Variants in BEND7 observed in about 807,000 individuals in gnomAD.
BEND7 encodes BEN domain-containing protein 7.
A neutral mutation model predicts 50.9 loss-of-function variants in BEND7; 28 were observed. That is an observed-to-expected ratio of 0.55 (90% CI 0.41 to 0.75). The LOEUF (loss-of-function observed/expected upper bound fraction) is 0.75. Ranked by LOEUF, BEND7 falls within the 30% of genes least tolerant of loss-of-function variation. BEND7 has a pLI of 0.00. For synonymous variants in BEND7, 170 were observed against 183.9 expected, an observed-to-expected ratio of 0.92 and a Z score of 0.61; for missense variants, 477 against 491.3, an observed-to-expected ratio of 0.97 and a Z score of 0.28.
Position 13,441,730 on chromosome 10 carries a change from T to A in BEND7, c.*13A>T. ...GTGCAAAAAACACAAGAGCTGTGGT[T>A]TGCAGTCCTTCATCAGACCACTTGA... On this transcript the variant is annotated 3_prime_UTR_variant, in exon 9 of 9. Coordinates refer to ENST00000466271, the MANE Select transcript of BEND7 (RefSeq NM_001369863.1). 6.2e-7 allele frequency: 1 copy of A among 1,614,036 alleles called. No individual in the cohort carries two copies. The highest frequency in any genetic ancestry group is 8.5e-7 in the Non-Finnish European group (1 of 1,179,958).
chr10:13,444,148 G>C (rs1230066550), intron 8 of BEND7: 1 of 151,960 alleles, frequency 6.6e-6, no homozygotes, highest in African/African-American at 2.4e-5. Flanking sequence ...CTGTGCTATA[G>C]CATTTATGTA....
intron 3 of BEND7, among the ~76,000 whole-genome samples, chr10:13,498,999 T>C (rs922728656): frequency 6.6e-6 from 1 of 152,220 alleles, no homozygotes; most frequent in African/African-American, 2.4e-5. Context: ...CTTAACTTCT[T>C]AAGGAAACTG....
Position 13,503,523 on chromosome 10 carries a change from G to C in BEND7, c.146-3443C>G, listed in dbSNP as rs1225684572. 2.0e-5 allele frequency among the ~76,000 whole-genome samples: 3 copies of C among 152,172 alleles called. No individual in the cohort carries two copies. In the East Asian group the frequency reaches 5.8e-4, roughly 29 times the overall value. ...AGATCTGGAATTTGAGACCAGCCTG[G>C]CCAACATGGTGAAAGCCTGTCTCTA... is the stretch of plus-strand genomic sequence containing the variant. On this transcript the variant is annotated intron_variant, in intron 2 of 8. Transcript: ENST00000466271.
intron 8 of BEND7, chr10:13,444,507 A>C (rs186198319): frequency 2.0e-4 from 31 of 152,348 alleles, no homozygotes; most frequent in Admixed American, 2.0e-3. Context: ...GCATTGTTGA[A>C]TCTTTAAAAA....
chr10:13,493,961 C>G (rs574710069), intron 4 of BEND7, among the ~76,000 whole-genome samples: 1 of 152,328 alleles, frequency 6.6e-6, no homozygotes, highest in Non-Finnish European at 1.5e-5. Flanking sequence ...AATATTTACA[C>G]TTTGATCCTG....
chr10:13,526,491 T>C (rs1240048467), intron 1 of BEND7, among the ~76,000 whole-genome samples: 4 of 152,234 alleles, frequency 2.6e-5, no homozygotes, highest in African/African-American at 9.6e-5. Context: ...TACCCACAGA[T>C]GCCAATTTTT....
chr10:13,451,603 ATAGT>A (rs1386226236), intron 7 of BEND7, among the ~76,000 whole-genome samples: 3 of 151,972 alleles, frequency 2.0e-5, no homozygotes, highest in African/African-American at 4.8e-5. Flanking sequence ...CCTCCTAGAG[ATAGT>A]TATTCTTTTT....
At chr10:13,455,820 C>T (rs1838838454) in intron 6 of BEND7, among the ~76,000 whole-genome samples, 1 of 151,950 alleles carries the variant, frequency 6.6e-6, no homozygotes, top group Non-Finnish European at 1.5e-5. Context: ...GGGTGAGGGG[C>T]TCTGGAGGAT....
intron 4 of BEND7, among the ~76,000 whole-genome samples, chr10:13,493,256 C>T (rs1051137018): frequency 6.6e-6 from 1 of 152,304 alleles, no homozygotes; most frequent in East Asian, 1.9e-4. Flanking sequence ...GGCTGTGCTT[C>T]CTTGTAATCC....
chr10:13,439,064 T>C, downstream of BEND7: 1 of 1,110,204 alleles, frequency 9.0e-7, no homozygotes, highest in Non-Finnish European at 1.3e-6. Flanking sequence ...GAGGGCATCC[T>C]GAACATGTTT....
chr10:13,472,150 G>A (rs998544066), intron 6 of BEND7, among the ~76,000 whole-genome samples: 3 of 151,954 alleles, frequency 2.0e-5, no homozygotes, highest in East Asian at 3.9e-4. Context: ...TCTTAGACTC[G>A]GGGTTGATAC....
chr10:13,528,690 G>A lies in BEND7; in HGVS notation c.-157C>T, dbSNP rs1481854188. 4 of 206,234 alleles carry A rather than the reference G, an allele frequency of 1.9e-5. No individual in the cohort carries two copies. The highest frequency in any genetic ancestry group is 2.5e-5 in the Non-Finnish European group (3 of 119,680). The allele number at this position is 206,234 out of a possible 1,614,324, so 12.8% of individuals were successfully genotyped here. A position where few individuals can be genotyped will look rare whatever the true frequency, so the allele number is the denominator to read the frequency against. ...AGTCGGCGAGGGGAGGCCGCGGGAC[G>A]GGAGGAACCACCGCGAGCCGGCTCG... On this transcript the variant is annotated 5_prime_UTR_variant, in exon 1 of 9. Coordinates refer to ENST00000466271, the MANE Select transcript of BEND7 (RefSeq NM_001369863.1).
chr10:13,494,124 A>AC (rs2076863466), intron 4 of BEND7, among the ~76,000 whole-genome samples: 3 of 152,332 alleles, frequency 2.0e-5, no homozygotes, highest in South Asian at 2.1e-4. Flanking sequence ...AGTTTAAAAA[A>AC]ACTGAGATGC....
intron 3 of BEND7, among the ~76,000 whole-genome samples, chr10:13,498,230 C>T (rs2077177658): frequency 6.6e-6 from 1 of 151,916 alleles, no homozygotes. Flanking sequence ...CATGCGCTAC[C>T]ACGCCCGGCT....
chr10:13,527,155 GC>G (rs2079496205), intron 1 of BEND7, among the ~76,000 whole-genome samples: 1 of 152,158 alleles, frequency 6.6e-6, no homozygotes, highest in Non-Finnish European at 1.5e-5. Flanking sequence ...GAATCAGATA[GC>G]ACCAACAGGG....
At chr10:13,496,205 G>A (rs2077003006) in intron 4 of BEND7, among the ~76,000 whole-genome samples, 1 of 152,150 alleles carries the variant, frequency 6.6e-6, no homozygotes, top group Non-Finnish European at 1.5e-5. Context: ...GCTCAGATGC[G>A]CCACACAGCT....
intron 6 of BEND7, chr10:13,480,569 A>C (rs1468237773): frequency 1.1e-6 from 1 of 886,174 alleles, no homozygotes; most frequent in Non-Finnish European, 1.3e-6. Flanking sequence ...TCAAACTTTA[A>C]GTTGAAGTCA....
chr10:13,482,019 T>C (rs574584599), intron 5 of BEND7, among the ~76,000 whole-genome samples: 2 of 152,372 alleles, frequency 1.3e-5, no homozygotes, highest in East Asian at 3.8e-4. Flanking sequence ...AATGAACTGA[T>C]CTCCTAACTC....
At chr10:13,505,843 G>C (rs1021527951) in intron 2 of BEND7, among the ~76,000 whole-genome samples, 4 of 152,094 alleles carry the variant, frequency 2.6e-5, no homozygotes, top group Non-Finnish European at 5.9e-5. Context: ...AAATGTACCA[G>C]TGCTAATGTA....
Sources: gnomAD v4.1 joint callset for allele counts (sites outside exome capture counted in the v4.1 genomes callset) on GRCh38, gnomAD v4.1.1 for gene constraint, MANE v1.5 for transcripts, NCBI Gene and HGNC (gene_info 2026-07-23, HGNC 2026-07-21) for gene names.